The following PTGES2 variants were observed in gnomAD, a reference collection of about 807,000 sequenced individuals.
PTGES2 encodes prostaglandin E synthase 2, also known as GATE-binding factor 1.
A neutral mutation model predicts 44.5 loss-of-function variants in PTGES2; 35 were observed. The ratio of observed to expected loss-of-function variants is 0.79; its 90% confidence interval spans 0.60 to 1.04. The LOEUF is 1.04. Ranked by LOEUF, PTGES2 falls within the 50% of genes least tolerant of loss-of-function variation. PTGES2 has a pLI of 0.00. For missense variants in PTGES2, 517 were observed against 521.4 expected (o/e 0.99, Z 0.08); for synonymous variants, 221 against 227.5 (o/e 0.97, Z 0.26).
Position 128,127,517 on chromosome 9 carries a change from C to T in PTGES2, c.201G>A (p.Gly67=), listed in dbSNP as rs1482841284. The change falls in exon 1 of 7, where the codon GGG becomes GGA. Residue 67 remains glycine, a synonymous_variant. Coordinates refer to ENST00000338961, the MANE Select transcript of PTGES2 (RefSeq NM_025072.7). ...RLLGAAALAL[G]GALGLYHTAR... ...CCGTGTGGTACAGCCCCAGGGCTCC[C>T]CCCAGGGCCAGCGCCGCAGCTCCCA... 9 of 1,327,396 alleles carry T rather than the reference C, an allele frequency of 6.8e-6. No individual in the cohort carries two copies. The highest frequency in any genetic ancestry group is 8.7e-6 in the Non-Finnish European group (9 of 1,037,738). The allele number at this position is 1,327,396 out of a possible 1,614,324, so 82.2% of individuals were successfully genotyped here.
upstream of PTGES2, chr9:128,128,305 C>A (rs376062374): frequency 2.2e-6 from 1 of 455,492 alleles, no homozygotes; most frequent in African/African-American, 2.0e-5. Context: ...GCGGCCGGCC[C>A]GCCGACCCCG....
Position 128,121,282 on chromosome 9 carries a change from C to T in PTGES2, c.1006-9G>A, listed in dbSNP as rs200336101. On this transcript the variant is annotated splice_polypyrimidine_tract_variant and intron_variant, in intron 6 of 6. Coordinates refer to ENST00000338961, the MANE Select transcript of PTGES2 (RefSeq NM_025072.7). Reference sequence around the variant, plus strand: ...AGCACGCCATACACCGCCTGGGGCACGAACAGAAACGTGTCACCATAGCTG... The same window carrying T: ...AGCACGCCATACACCGCCTGGGGCATGAACAGAAACGTGTCACCATAGCTG... The T allele has an allele frequency of 5.2e-5, 84 of 1,602,282 alleles. No homozygotes were observed. The highest frequency in any genetic ancestry group is 4.4e-5 in the Non-Finnish European group (51 of 1,171,826).
Position 128,123,679 on chromosome 9 carries a change from C to T in PTGES2, c.686+23G>A. ...AGACCCCTGCGGTCACCACCTTCCC[C>T]CGCCAGCCCCAGCCCCACTCACGTC... On this transcript the variant is annotated intron_variant, in intron 4 of 6. Transcript: ENST00000338961. The surrounding 1 kb of genome is among the most constrained non-coding windows in gnomAD (Gnocchi z 4.4). The T allele has an allele frequency of 1.2e-6, 2 of 1,601,422 alleles. No individual in the cohort carries two copies. Among genetic ancestry groups the T allele is most frequent in the Non-Finnish European group, 1.7e-6 (2 of 1,172,232 alleles).
intron 6 of PTGES2, among the ~76,000 whole-genome samples, chr9:128,121,507 A>C (rs907539640): frequency 6.6e-6 from 1 of 152,112 alleles, no homozygotes; most frequent in Non-Finnish European, 1.5e-5. Context: ...GCCCCCCAGC[A>C]AGTTTCCTTG....
chr9:128,123,962 C>T lies in PTGES2; in HGVS notation c.537-111G>A, dbSNP rs566994517. ...GGAGCCAGGACCAACAAAGGCTCTCCGGACTCTTGCAGTAAGAGGGATTTG... is the reference window on the plus strand; with the variant it reads ...GGAGCCAGGACCAACAAAGGCTCTCTGGACTCTTGCAGTAAGAGGGATTTG... On this transcript the variant is annotated intron_variant, in intron 3 of 6. Transcript: ENST00000338961. The surrounding 1 kb of genome is among the most constrained non-coding windows in gnomAD (Gnocchi z 4.4). The T allele has an allele frequency of 1.3e-5, 16 of 1,242,926 alleles. No homozygotes were observed. Among genetic ancestry groups the T allele is most frequent in the South Asian group, 5.7e-5 (4 of 70,558 alleles). 77.0% of individuals were successfully genotyped at this position (1,242,926 alleles called of 1,614,324 possible). A position where few individuals can be genotyped will look rare whatever the true frequency, so the allele number is the denominator to read the frequency against.
At chr9:128,121,346 C>G (rs912876589) in intron 6 of PTGES2, 73 bp from the exon 7 acceptor site, 15 of 1,542,952 alleles carry the variant, frequency 9.7e-6, no homozygotes, top group Non-Finnish European at 1.3e-5. Flanking sequence ...TCCCTGCCAG[C>G]TGTGTGGCCA....
chr9:128,122,511 A>G lies in PTGES2; in HGVS notation c.888-32T>C, dbSNP rs776730874. ...GGGGAAGGGAAAAGCCCCTCAGGGG[A>G]GCCCCCACTCCCAGCCCAGCAGGGA... On this transcript the variant is annotated intron_variant, in intron 5 of 6. Coordinates refer to ENST00000338961, the MANE Select transcript of PTGES2 (RefSeq NM_025072.7). The G allele has an allele frequency of 3.8e-6, 6 of 1,582,232 alleles. No individual in the cohort carries two copies. The East Asian group carries it at 1.1e-4, about 29-fold the overall frequency.
At position 128,123,668 on chromosome 9, in the gene PTGES2, A is replaced by C; in HGVS notation, c.686+34T>G. 1.2e-6 allele frequency: 2 copies of C among 1,600,146 alleles called. No individual in the cohort carries two copies. Among genetic ancestry groups the C allele is most frequent in the Non-Finnish European group, 1.7e-6 (2 of 1,171,258 alleles). On this transcript the variant is annotated intron_variant, in intron 4 of 6. Coordinates refer to ENST00000338961, the MANE Select transcript of PTGES2 (RefSeq NM_025072.7). This position sits in a 1 kb window ranked among gnomAD's most constrained non-coding sequence, Gnocchi z 4.4. Reference sequence around the variant, plus strand: ...TACTCTACAGAAGACCCCTGCGGTCACCACCTTCCCCCGCCAGCCCCAGCC... The same window carrying C: ...TACTCTACAGAAGACCCCTGCGGTCCCCACCTTCCCCCGCCAGCCCCAGCC...
Position 128,122,449 on chromosome 9 carries a change from G to A in PTGES2, c.918C>T (p.Asp306=), listed in dbSNP as rs925770493. ...RHRLQDNVRE[D]LYEAADKWVA... ...CCCACTTGTCAGCAGCCTCATAGAG[G>A]TCCTCGCGCACGTTGTCCTGGAGGC... Residue 306 remains aspartate (D), a synonymous_variant, in exon 6 of 7, where the codon GAC becomes GAT. Transcript: ENST00000338961. 25 of 1,614,066 alleles carry A rather than the reference G, an allele frequency of 1.5e-5. No homozygotes were observed. The highest frequency in any genetic ancestry group is 1.6e-4 in the Middle Eastern group (1 of 6,084).
chr9:128,128,223 C>T (rs1251246045), upstream of PTGES2: 1 of 439,092 alleles, frequency 2.3e-6, no homozygotes, highest in Non-Finnish European at 4.6e-6. Context: ...CCTACTGTGA[C>T]CCGAACCATA....
At chr9:128,125,144 C>CCTGT in intron 2 of PTGES2, 100 bp downstream of exon 2, 1 of 1,119,954 alleles carries the variant, frequency 8.9e-7, no homozygotes, top group Non-Finnish European at 1.3e-6. Context: ...GCACAAGGAT[C>CCTGT]ACAAGTTCCT....
rs1357768430 is a variant in PTGES2 at position 128,123,136 on chromosome 9, T to C, written c.687-2A>G. 1.9e-6 allele frequency: 3 copies of C among 1,608,116 alleles called. No homozygotes were observed. The highest frequency in any genetic ancestry group is 4.5e-5 in the East Asian group (2 of 44,888). On this transcript the variant is annotated splice_acceptor_variant, in intron 4 of 6. Transcript: ENST00000338961. LOFTEE classifies it high-confidence loss of function. The surrounding 1 kb of genome is among the most constrained non-coding windows in gnomAD (Gnocchi z 4.4). ...CACTGCCGCCACTTCATCTCCTCCC[T>C]GCGGGCACGGGAGGGACTTCCTAAG... is the stretch of plus-strand genomic sequence containing the variant.
At position 128,121,066 on chromosome 9, in the gene PTGES2, G is replaced by A. The variant is rs1037109590; in HGVS notation, c.*79C>T. On this transcript the variant is annotated 3_prime_UTR_variant, in exon 7 of 7. Coordinates refer to ENST00000338961, the MANE Select transcript of PTGES2 (RefSeq NM_025072.7). The stretch of plus-strand genomic sequence containing the variant: ...AATGATCCTGCCCCCAACCAGTATC[G>A]CCAGGCGCTGGCCCAGTGGCCCCAG... 7.9e-6 allele frequency: 12 copies of A among 1,524,654 alleles called. No homozygotes were observed. In the East Asian group the frequency reaches 9.9e-5, roughly 13 times the overall value. The allele number at this position is 1,524,654 out of a possible 1,614,324, so 94.4% of individuals were successfully genotyped here.
chr9:128,121,165 C>T lies in PTGES2; in HGVS notation c.1114G>A (p.Glu372Lys), dbSNP rs754839924. 19 of 1,589,608 alleles carry T rather than the reference C, an allele frequency of 1.2e-5. No homozygotes were observed. Among genetic ancestry groups the T allele is most frequent in the Admixed American group, 3.6e-5 (2 of 56,314 alleles). The stretch of plus-strand genomic sequence containing the variant: ...GACATTCAGTGCGCTGGGGAGGCCT[C>T]GGTGATGGCCCTCTCCACCCGCAGG... Reference protein sequence around the residue: ...WYLRVERAITEASPAH With the variant: ...WYLRVERAITKASPAH The change falls in exon 7 of 7, where the codon GAG (glutamate) becomes AAG (lysine). Residue 372 changes from glutamate (E) to lysine (K), a missense_variant. By Grantham distance (56) the Glu-to-Lys change is moderately conservative. Coordinates refer to ENST00000338961, the MANE Select transcript of PTGES2 (RefSeq NM_025072.7).
At chr9:128,122,806 T>C (rs1053140491) in intron 5 of PTGES2, 128 bp downstream of exon 5, 1 of 941,778 alleles carries the variant, frequency 1.1e-6, no homozygotes. Flanking sequence ...CCATAATCCA[T>C]AATGCGTTTC....
chr9:128,127,366 A>G (rs1588075085), intron 1 of PTGES2, 73 bp downstream of exon 1: 2 of 1,256,788 alleles, frequency 1.6e-6, no homozygotes, highest in Non-Finnish European at 2.0e-6. Flanking sequence ...GCAACTCCTG[A>G]CCCTGCGGGT....
chr9:128,122,551 G>A (rs1226270914), intron 5 of PTGES2, 72 bp from the exon 6 acceptor site: 1 of 1,298,376 alleles, frequency 7.7e-7, no homozygotes, highest in African/African-American at 1.4e-5. Context: ...GGTCTCCTCT[G>A]GGGAGAGGGG....
In PTGES2 at chr9:128,122,485, C is replaced by A. The variant is rs753647990; in HGVS notation, c.888-6G>T. On this transcript the variant is annotated splice_polypyrimidine_tract_variant and splice_region_variant and intron_variant, in intron 5 of 6. Transcript: ENST00000338961. ...CGTTGTCCTGGAGGCGGTGCCTGGG[C>A]GGGGAAGGGAAAAGCCCCTCAGGGG... 11 of 1,612,640 alleles carry A rather than the reference C, an allele frequency of 6.8e-6. No individual in the cohort carries two copies. Among genetic ancestry groups the A allele is most frequent in the South Asian group, 1.1e-5 (1 of 91,062 alleles).
rs1304910981 is a variant in PTGES2, at chr9:128,127,448, T to C, written c.270A>G (p.Ser90=). 1 of 1,385,090 alleles carries C rather than the reference T, an allele frequency of 7.2e-7. No individual in the cohort carries two copies. Among genetic ancestry groups the C allele is most frequent in the Non-Finnish European group, 9.4e-7 (1 of 1,065,096 alleles). 85.8% of individuals were successfully genotyped at this position (1,385,090 alleles called of 1,614,324 possible). ...LRAQDLHAER[S]AAQLSLSSRL... ...CCGGGCCAGGCCTTACCTGCGCGGCTGAGCGCTCTGCGTGGAGGTCCTGGG... is the reference window on the plus strand; with the variant it reads ...CCGGGCCAGGCCTTACCTGCGCGGCCGAGCGCTCTGCGTGGAGGTCCTGGG... The change falls in exon 1 of 7, where the codon TCA becomes TCG. Residue 90 remains serine (S), a synonymous_variant. Transcript: ENST00000338961.
Sources: gnomAD v4.1 joint callset for allele counts (sites outside exome capture counted in the v4.1 genomes callset) on GRCh38, gnomAD v4.1.1 for gene constraint, Gnocchi (gnomAD v3.1) non-coding constraint, MANE v1.5 for transcripts, NCBI Gene and HGNC (gene_info 2026-07-23, HGNC 2026-07-21) for gene names.